ARHGAP6: variants seen among roughly 807,000 people sequenced by gnomAD.
ARHGAP6 encodes the protein Rho GTPase activating protein 6, also known as rho GTPase-activating protein 6.
In ARHGAP6, 16 loss-of-function variants were observed where a neutral mutation model predicts 55.7. The ratio of observed to expected loss-of-function variants is 0.29; its 90% confidence interval spans 0.19 to 0.44. The LOEUF (loss-of-function observed/expected upper bound fraction) is 0.44. Among genes scored for constraint, ARHGAP6 ranks in the 20% least tolerant of loss-of-function variants. The pLI, the probability that ARHGAP6 is intolerant of heterozygous loss-of-function variation, is 1.00. For synonymous variants in ARHGAP6, 382 were observed against 360.9 expected (o/e 1.06, Z -0.66); for missense variants, 698 against 808.9 (o/e 0.86, Z 1.66).
At chrX:11,261,115 TG>T (rs1232591983) in intron 1 of ARHGAP6, among the ~76,000 whole-genome samples, 1 of 111,914 alleles carries the variant, frequency 8.9e-6, no homozygotes, top group Non-Finnish European at 1.9e-5. Context: ...CATACAATGT[TG>T]TATATATGTG....
Position 11,351,438 on chromosome X carries a change from G to A in ARHGAP6, c.589-96731C>T, listed in dbSNP as rs1480504057. On this transcript the variant is annotated intron_variant, in intron 1 of 12. Transcript: ENST00000337414. ...CCCAAGTGAGCCAGGCCAGGAACAG[G>A]GCAGGCTCTCCCCAGACTTGAAGGC... 8 of 967,537 alleles carry A rather than the reference G, an allele frequency of 8.3e-6. No individual in the cohort carries two copies. The South Asian group carries it at 1.2e-4, about 15-fold the overall frequency. 79.7% of individuals were successfully genotyped at this position (967,537 alleles called of 1,213,427 possible).
intron 1 of ARHGAP6, among the ~76,000 whole-genome samples, chrX:11,660,771 C>G (rs749161506): frequency 1.6e-4 from 18 of 110,172 alleles, no homozygotes; most frequent in African/African-American, 5.9e-4. Flanking sequence ...CCTGTCCACT[C>G]TTTTCTGCCT....
chrX:11,178,034 T>C, intron 8 of ARHGAP6, 66 bp downstream of exon 8: 2 of 1,185,855 alleles, frequency 1.7e-6, no homozygotes, highest in Non-Finnish European at 2.3e-6. Context: ...GCCATTTTGG[T>C]GGTATGCCCT....
chrX:11,593,063 A>C lies in ARHGAP6; in HGVS notation c.588+71178T>G, dbSNP rs762268951. On this transcript the variant is annotated intron_variant, in intron 1 of 12. Coordinates refer to ENST00000337414, the MANE Select transcript of ARHGAP6 (RefSeq NM_013427.3). ...AACTCATCAGTTAGTTGTTTCCTAA[A>C]CAGTTTATTTCTTTGGAATTTGCAA... Among the ~76,000 whole-genome samples, 5 of 112,489 alleles carry C rather than the reference A, an allele frequency of 4.4e-5. No individual in the cohort carries two copies. In the South Asian group the frequency reaches 1.8e-3, roughly 42 times the overall value.
At chrX:11,146,395 AG>A (rs2045692274) in intron 10 of ARHGAP6, among the ~76,000 whole-genome samples, 1 of 111,778 alleles carries the variant, frequency 8.9e-6, no homozygotes, top group Admixed American at 9.5e-5. Context: ...TAGTAGACAC[AG>A]GCTCTGAACC....
intron 2 of ARHGAP6, among the ~76,000 whole-genome samples, chrX:11,240,734 C>G (rs775746129): frequency 1.8e-5 from 2 of 110,410 alleles, no homozygotes; most frequent in Non-Finnish European, 3.8e-5. Flanking sequence ...TAGAGATAGA[C>G]ATGTGGAAAC....
intron 1 of ARHGAP6, among the ~76,000 whole-genome samples, chrX:11,456,295 T>A (rs1230528469): frequency 8.9e-6 from 1 of 111,734 alleles, no homozygotes; most frequent in African/African-American, 3.3e-5. Flanking sequence ...CCCCATTTTT[T>A]ACAGATTTTT....
At chrX:11,477,224 T>C (rs2050412764) in intron 1 of ARHGAP6, among the ~76,000 whole-genome samples, 1 of 109,756 alleles carries the variant, frequency 9.1e-6, no homozygotes, top group Non-Finnish European at 1.9e-5. Context: ...AATAAGATAA[T>C]AAATGGCTGA....
At chrX:11,616,354 T>G (rs1004887833) in intron 1 of ARHGAP6, among the ~76,000 whole-genome samples, 2 of 110,006 alleles carry the variant, frequency 1.8e-5, no homozygotes, top group Non-Finnish European at 3.8e-5. Context: ...TGAGATGGAG[T>G]CTTGTTCTGT....
intron 1 of ARHGAP6, among the ~76,000 whole-genome samples, chrX:11,268,526 C>T (rs972063790): frequency 6.3e-5 from 7 of 111,874 alleles, no homozygotes; most frequent in African/African-American, 9.7e-5. Flanking sequence ...TCATGAAGCC[C>T]GTAGCCCCTT....
intron 9 of ARHGAP6, among the ~76,000 whole-genome samples, chrX:11,164,569 G>A (rs909769806): frequency 2.7e-5 from 3 of 110,744 alleles, no homozygotes; most frequent in African/African-American, 9.8e-5. Context: ...CTTCTGACTC[G>A]GAATCCTCAT....
chrX:11,647,679 C>G (rs2052544226), intron 1 of ARHGAP6, among the ~76,000 whole-genome samples: 1 of 111,979 alleles, frequency 8.9e-6, no homozygotes, highest in Admixed American at 9.5e-5. Context: ...GCAGACAGGA[C>G]AGGAGAATGT....
intron 1 of ARHGAP6, among the ~76,000 whole-genome samples, chrX:11,370,263 C>T (rs1167675728): frequency 2.7e-5 from 3 of 112,634 alleles, no homozygotes; most frequent in African/African-American, 9.7e-5. Context: ...TCCAGTTTCA[C>T]TTACTTTATT....
intron 1 of ARHGAP6, among the ~76,000 whole-genome samples, chrX:11,478,930 A>C (rs1463242319): frequency 8.9e-6 from 1 of 112,121 alleles, no homozygotes; most frequent in Non-Finnish European, 1.9e-5. Flanking sequence ...AACTCTTTGA[A>C]CTCATAGAAG....
intron 1 of ARHGAP6, among the ~76,000 whole-genome samples, chrX:11,550,241 C>T (rs1465536917): frequency 8.9e-6 from 1 of 111,761 alleles, no homozygotes; most frequent in South Asian, 3.8e-4. Flanking sequence ...AAAATGTGGT[C>T]CCGGACCTGA....
At chrX:11,599,463 C>T (rs1007334444) in intron 1 of ARHGAP6, among the ~76,000 whole-genome samples, 2 of 111,866 alleles carry the variant, frequency 1.8e-5, no homozygotes, top group Non-Finnish European at 3.8e-5. Context: ...GGTAACAATA[C>T]TCAAAAATCT....
chrX:11,476,683 T>C (rs1199993274), intron 1 of ARHGAP6, among the ~76,000 whole-genome samples: 1 of 111,164 alleles, frequency 9.0e-6, no homozygotes, highest in Non-Finnish European at 1.9e-5. Context: ...AGACTCATAA[T>C]ATAGTCAACT....
At chrX:11,537,669 G>A (rs760345580) in intron 1 of ARHGAP6, among the ~76,000 whole-genome samples, 1 of 111,878 alleles carries the variant, frequency 8.9e-6, no homozygotes, top group African/African-American at 3.2e-5. Flanking sequence ...ATAACTTTCT[G>A]GTCTCAGGAC....
intron 2 of ARHGAP6, among the ~76,000 whole-genome samples, chrX:11,219,662 G>GT (rs1215964836): frequency 7.2e-5 from 5 of 69,313 alleles, no homozygotes; most frequent in African/African-American, 2.7e-4. Flanking sequence ...TTTTTCATGT[G>GT]TTTTTTGGCT....
Sources: allele counts gnomAD v4.1 joint callset (sites outside exome capture counted in the v4.1 genomes callset), GRCh38; gene constraint gnomAD v4.1.1; transcripts MANE v1.5; gene names NCBI Gene and HGNC (gene_info 2026-07-23, HGNC 2026-07-21).